CDH13: variants seen among roughly 807,000 people sequenced by gnomAD.
CDH13 encodes the protein cadherin-13.
A neutral mutation model predicts 63.8 loss-of-function variants in CDH13; 24 were observed. That is an observed-to-expected ratio of 0.38 (90% confidence interval 0.27 to 0.53). The LOEUF is 0.53. Among genes scored for constraint, CDH13 ranks in the 20% least tolerant of loss-of-function variants. The pLI is 0.85. For synonymous variants in CDH13, 503 were observed against 355.3 expected (o/e 1.42, Z -4.67); for missense variants, 1,049 against 903.1 (o/e 1.16, Z -2.07).
chr16:82,888,020 C>G (rs375190374), intron 2 of CDH13, among the ~76,000 whole-genome samples: 2 of 151,930 alleles, frequency 1.3e-5, no homozygotes, highest in East Asian at 3.9e-4. Context: ...CGGTTTTGGC[C>G]AAAGGGCTGT....
At chr16:82,640,482 T>A (rs1048146351) in intron 1 of CDH13, among the ~76,000 whole-genome samples, 6 of 152,186 alleles carry the variant, frequency 3.9e-5, no homozygotes, top group Non-Finnish European at 4.4e-5. Context: ...CTCTTGAAAC[T>A]GTTCAATTCT....
intron 10 of CDH13, chr16:83,728,913 G>T (rs184255445): frequency 2.0e-5 from 3 of 153,404 alleles, no homozygotes; most frequent in African/African-American, 2.4e-5. Context: ...AGCTGGTTCA[G>T]TCTCTGGGGA....
chr16:83,030,316 C>T (rs1012349448), intron 2 of CDH13, among the ~76,000 whole-genome samples: 8 of 152,098 alleles, frequency 5.3e-5, no homozygotes, highest in African/African-American at 1.9e-4. Context: ...TGCTATAACC[C>T]AGATCTGCCA....
intron 5 of CDH13, among the ~76,000 whole-genome samples, chr16:83,233,336 C>G (rs1008960601): frequency 6.6e-6 from 1 of 152,222 alleles, no homozygotes; most frequent in East Asian, 1.9e-4. Context: ...ATAAGCAGTG[C>G]TTGCAGGCTT....
intron 3 of CDH13, among the ~76,000 whole-genome samples, chr16:83,113,405 AC>A (rs1430753058): frequency 6.6e-6 from 1 of 152,196 alleles, no homozygotes; most frequent in Non-Finnish European, 1.5e-5. Context: ...TCTTACAATA[AC>A]TCTATATTTA....
intron 2 of CDH13, among the ~76,000 whole-genome samples, chr16:82,907,314 C>G (rs547518203): frequency 6.6e-6 from 1 of 152,100 alleles, no homozygotes; most frequent in Non-Finnish European, 1.5e-5. Flanking sequence ...CTCTTTACCC[C>G]TCACTAGGCT....
At chr16:83,677,072 C>T (rs1915014851) in intron 9 of CDH13, among the ~76,000 whole-genome samples, 1 of 152,166 alleles carries the variant, frequency 6.6e-6, no homozygotes, top group Non-Finnish European at 1.5e-5. Flanking sequence ...CTGTTTGTTC[C>T]AGTAAGCATT....
intron 9 of CDH13, 148 bp from the exon 10 acceptor site, chr16:83,678,060 G>GC (rs1477225281): frequency 3.2e-6 from 2 of 618,802 alleles, no homozygotes; most frequent in East Asian, 2.7e-5. Flanking sequence ...CTTAAAGATA[G>GC]CCCCCCAGTT....
At chr16:83,248,817 C>T (rs1207311715) in intron 5 of CDH13, among the ~76,000 whole-genome samples, 1 of 152,204 alleles carries the variant, frequency 6.6e-6, no homozygotes, top group Non-Finnish European at 1.5e-5. Flanking sequence ...AATTGCCTGT[C>T]TACCACAGAA....
At chr16:83,178,823 C>T (rs912026967) in intron 4 of CDH13, among the ~76,000 whole-genome samples, 1 of 151,972 alleles carries the variant, frequency 6.6e-6, no homozygotes, top group Non-Finnish European at 1.5e-5. Flanking sequence ...TTAATTAATG[C>T]TCATTAAGAT....
intron 4 of CDH13, among the ~76,000 whole-genome samples, chr16:83,192,175 A>G (rs953725283): frequency 1.3e-5 from 2 of 152,182 alleles, no homozygotes; most frequent in Non-Finnish European, 2.9e-5. Context: ...TTCCTCCCAG[A>G]GATTCCCCTT....
rs139756005 is a variant in CDH13, at chr16:83,626,982, C to G, written c.1101+24388C>G. 1.7e-4 allele frequency among the ~76,000 whole-genome samples: 26 copies of G among 152,254 alleles called. No homozygotes were observed. The Middle Eastern group carries it at 0.01, about 60-fold the overall frequency. On this transcript the variant is annotated intron_variant, in intron 8 of 13. Transcript: ENST00000567109. ...CCAGTTCTCATGCTCCCTGATGGTC[C>G]TTAAAAAGATTCCTATTCAGCCAGG...
At chr16:83,584,703 C>A (rs1295980449) in intron 7 of CDH13, among the ~76,000 whole-genome samples, 1 of 152,142 alleles carries the variant, frequency 6.6e-6, no homozygotes, top group Admixed American at 6.5e-5. Flanking sequence ...TTAGGCTATT[C>A]TTGCATTACT....
chr16:83,072,163 C>T (rs1368706415), intron 3 of CDH13, among the ~76,000 whole-genome samples: 2 of 151,938 alleles, frequency 1.3e-5, no homozygotes, highest in Non-Finnish European at 2.9e-5. Flanking sequence ...TGTATTTTAC[C>T]CTTAAAGCTA....
intron 2 of CDH13, among the ~76,000 whole-genome samples, chr16:82,863,902 T>G (rs1268681977): frequency 7.4e-6 from 1 of 134,526 alleles, no homozygotes; most frequent in Non-Finnish European, 1.6e-5. Flanking sequence ...AAAAAATTGG[T>G]AAGACTTGGT....
chr16:83,708,588 C>G (rs889315728), intron 10 of CDH13, among the ~76,000 whole-genome samples: 1 of 152,190 alleles, frequency 6.6e-6, no homozygotes, highest in Non-Finnish European at 1.5e-5. Flanking sequence ...AACGCCCACA[C>G]CGCCTCCACT....
In CDH13 at chr16:83,748,250, G is replaced by A. The variant is rs767778934; in HGVS notation, c.1681G>A (p.Gly561Ser). 6 of 1,604,592 alleles carry A rather than the reference G, an allele frequency of 3.7e-6. No individual in the cohort carries two copies. The highest frequency in any genetic ancestry group is 8.5e-7 in the Non-Finnish European group (1 of 1,172,852). ...YTALFLAIDSGNPPATGTGTL... is the reference protein window; with the variant it reads ...YTALFLAIDSSNPPATGTGTL... Reference sequence around the variant, plus strand: ...TGCTCTCTTCCTGGCAATTGACAGTGGTGAGTACTTGACAAAGACCATCAA... The same window carrying A: ...TGCTCTCTTCCTGGCAATTGACAGTAGTGAGTACTTGACAAAGACCATCAA... The change falls in exon 11 of 14, where the codon GGC (glycine) becomes AGC (serine). Residue 561 changes from glycine to serine, a missense_variant and splice_region_variant. By Grantham distance (56) the Gly-to-Ser change is moderately conservative (BLOSUM62 0). Transcript: ENST00000567109.
rs1033941127 is a variant in CDH13 at position 83,047,636 on chromosome 16, T to G, written c.366+15418T>G. Reference sequence around the variant, plus strand: ...ATAATATGCTCCATAATGGCAGAGATTTGACTGACTTGTTCGTTGCTATAA... The same window carrying G: ...ATAATATGCTCCATAATGGCAGAGAGTTGACTGACTTGTTCGTTGCTATAA... On this transcript the variant is annotated intron_variant, in intron 3 of 13. Transcript: ENST00000567109. The surrounding 1 kb of genome is among the most constrained non-coding windows in gnomAD (Gnocchi z 4.9). 1.3e-5 allele frequency among the ~76,000 whole-genome samples: 2 copies of G among 152,230 alleles called. No individual in the cohort carries two copies. The highest frequency in any genetic ancestry group is 4.8e-5 in the African/African-American group (2 of 41,462).
intron 1 of CDH13, among the ~76,000 whole-genome samples, chr16:82,679,360 G>C (rs1914290879): frequency 6.6e-6 from 1 of 152,214 alleles, no homozygotes; most frequent in African/African-American, 2.4e-5. Flanking sequence ...CTGGGGAGCA[G>C]GGTAGCAGGG....
Sources: gnomAD v4.1 joint callset for allele counts (sites outside exome capture counted in the v4.1 genomes callset) on GRCh38, gnomAD v4.1.1 for gene constraint, Gnocchi (gnomAD v3.1) non-coding constraint, MANE v1.5 for transcripts, NCBI Gene and HGNC (gene_info 2026-07-23, HGNC 2026-07-21) for gene names.